The following CFAP47 variants were observed in gnomAD, a reference collection of about 807,000 sequenced individuals.
The protein encoded by CFAP47 is cilia and flagella associated protein 47.
In CFAP47, 29 loss-of-function variants were observed where a neutral mutation model predicts 148.1. The observed-to-expected ratio is 0.20, with a 90% CI of 0.15 to 0.27. The LOEUF is 0.27. Among genes scored for constraint, CFAP47 ranks in the 10% least tolerant of loss-of-function variants. The probability of loss-of-function intolerance (pLI) is 1.00; values close to 1 mark genes in which losing one functional copy is unlikely to be tolerated. For missense variants in CFAP47, 1,872 were observed against 1,697.5 expected (o/e 1.10, Z -1.81); for synonymous variants, 664 against 577.3 (o/e 1.15, Z -2.15).
intron 49 of CFAP47, among the ~76,000 whole-genome samples, chrX:36,259,911 G>C (rs1940797557): frequency 9.0e-6 from 1 of 110,745 alleles, no homozygotes; most frequent in Admixed American, 9.7e-5. Flanking sequence ...TCCCATCTTT[G>C]TGCCCATGTC....
At position 36,235,810 on chromosome X, in the gene CFAP47, G is replaced by A. The variant is rs782705822; in HGVS notation, c.7015-124G>A. On this transcript the variant is annotated intron_variant, in intron 46 of 63. Transcript: ENST00000378653. ...TTAACAAATATGACTTTCCACTGGT[G>A]ATTCCTTGGAAATACAATTAAAAAT... 712 of 349,692 alleles carry A rather than the reference G, an allele frequency of 2.0e-3. 1 individual carries two copies. The highest frequency in any genetic ancestry group is 2.9e-3 in the Non-Finnish European group (578 of 198,427). The allele number at this position is 349,692 out of a possible 1,213,427, so 28.8% of individuals were successfully genotyped here.
chrX:36,171,090 G>A (rs1364952296), intron 39 of CFAP47, among the ~76,000 whole-genome samples: 1 of 110,876 alleles, frequency 9.0e-6, no homozygotes. Flanking sequence ...CTGCATAAAT[G>A]TCTTCTTTTG....
In CFAP47 at chrX:36,149,133, G is replaced by A. The variant is rs1042264189; in HGVS notation, c.5696G>A (p.Arg1899Gln). The change falls in exon 37 of 64, where the codon CGA (arginine) becomes CAA (glutamine). Residue 1899 changes from arginine to glutamine, a missense_variant. Coordinates refer to ENST00000378653, the MANE Select transcript of CFAP47 (RefSeq NM_001304548.2). ...NKILLKNSSS[R>Q]NLVYNARIVG... ...ATTCTACTGAAAAATTCCAGCTCGC[G>A]AAACTTAGTGTATAATGCTAGAATT... 5 of 294,018 alleles carry A rather than the reference G, an allele frequency of 1.7e-5. No homozygotes were observed. Among genetic ancestry groups the A allele is most frequent in the African/African-American group, 8.3e-5 (3 of 35,997 alleles). The allele number at this position is 294,018 out of a possible 1,213,427, so 24.2% of individuals were successfully genotyped here.
intron 55 of CFAP47, among the ~76,000 whole-genome samples, chrX:36,308,936 C>A (rs781888410): frequency 1.8e-5 from 2 of 111,422 alleles, no homozygotes; most frequent in Non-Finnish European, 3.8e-5. Flanking sequence ...ATTGTTTGTG[C>A]AGATTTTGAA....
chrX:36,365,813 C>T (rs1326790361), intron 61 of CFAP47: 1 of 111,217 alleles, frequency 9.0e-6, no homozygotes, highest in African/African-American at 3.3e-5. Flanking sequence ...CTGAAAAAGA[C>T]ATGATTTCTT....
intron 60 of CFAP47, among the ~76,000 whole-genome samples, chrX:36,357,834 G>T (rs1269576688): frequency 9.0e-6 from 1 of 111,351 alleles, no homozygotes; most frequent in Non-Finnish European, 1.9e-5. Context: ...AGTAGTTTTA[G>T]TCATGCCCCT....
chrX:36,295,161 A>C (rs2146953695), intron 51 of CFAP47, among the ~76,000 whole-genome samples: 1 of 112,433 alleles, frequency 8.9e-6, no homozygotes, highest in South Asian at 3.7e-4. Context: ...GCGCATGTGA[A>C]GATGAAAGAA....
intron 2 of CFAP47, among the ~76,000 whole-genome samples, chrX:35,939,563 C>A (rs1475717325): frequency 2.2e-5 from 2 of 90,404 alleles, no homozygotes; most frequent in Non-Finnish European, 4.3e-5. Flanking sequence ...TTTGTTCTTG[C>A]GATAGTTTAC....
chrX:36,303,951 A>C lies in CFAP47; in HGVS notation c.8073A>C (p.Arg2691Ser), dbSNP rs1941324342. 6 of 1,046,817 alleles carry C rather than the reference A, an allele frequency of 5.7e-6. No individual in the cohort carries two copies. The highest frequency in any genetic ancestry group is 7.8e-6 in the Non-Finnish European group (6 of 772,796). The allele number at this position is 1,046,817 out of a possible 1,213,427, so 86.3% of individuals were successfully genotyped here. The part of the protein sequence containing the change: ...NPENFVLDIN[R>S]KSQLIISPHS... Reference sequence around the variant, plus strand: ...AAAATTTTGTCCTGGATATTAACAGAAAATCACAAGTAAGTAAATTCAGAG... The same window carrying C: ...AAAATTTTGTCCTGGATATTAACAGCAAATCACAAGTAAGTAAATTCAGAG... The change falls in exon 54 of 64, where the codon AGA (arginine) becomes AGC (serine). Residue 2691 changes from arginine (R) to serine (S), a missense_variant. By Grantham distance (110) the Arg-to-Ser change is moderately radical (BLOSUM62 -1). Transcript: ENST00000378653.
intron 46 of CFAP47, among the ~76,000 whole-genome samples, chrX:36,229,082 G>A (rs1940305839): frequency 9.0e-6 from 1 of 110,884 alleles, no homozygotes; most frequent in South Asian, 3.8e-4. Context: ...ATTCCTTCTT[G>A]CTTCAACAAG....
At chrX:36,075,676 T>G (rs1157276174) in intron 29 of CFAP47, among the ~76,000 whole-genome samples, 1 of 111,893 alleles carries the variant, frequency 8.9e-6, no homozygotes, top group Non-Finnish European at 1.9e-5. Flanking sequence ...TTTTCGACAC[T>G]TGTTTCCTTC....
chrX:36,109,148 T>C (rs1018393004), intron 33 of CFAP47, among the ~76,000 whole-genome samples: 1 of 112,294 alleles, frequency 8.9e-6, no homozygotes, highest in Non-Finnish European at 1.9e-5. Context: ...TGGCTACATA[T>C]TATTCCATGG....
At chrX:36,204,406 A>C (rs994032579) in intron 44 of CFAP47, among the ~76,000 whole-genome samples, 30 of 109,564 alleles carry the variant, frequency 2.7e-4, no homozygotes, top group African/African-American at 8.1e-4. Context: ...AGGAAGGGGA[A>C]CATCACACAC....
At chrX:36,195,874 T>C (rs1319861463) in intron 42 of CFAP47, among the ~76,000 whole-genome samples, 2 of 111,838 alleles carry the variant, frequency 1.8e-5, no homozygotes, top group Non-Finnish European at 3.8e-5. Flanking sequence ...GACTGTAGAT[T>C]TCATTGCCAC....
At chrX:36,112,582 T>A (rs1341500504) in intron 33 of CFAP47, among the ~76,000 whole-genome samples, 1 of 111,659 alleles carries the variant, frequency 9.0e-6, no homozygotes, top group Non-Finnish European at 1.9e-5. Flanking sequence ...ACCCTGTTGC[T>A]TTTGGGTGGA....
intron 39 of CFAP47, among the ~76,000 whole-genome samples, chrX:36,178,315 A>G (rs997235435): frequency 5.4e-5 from 6 of 111,298 alleles, no homozygotes; most frequent in African/African-American, 1.6e-4. Context: ...CCTGCACATG[A>G]ACTCTCTGCA....
intron 46 of CFAP47, among the ~76,000 whole-genome samples, chrX:36,229,039 C>A (rs782520840): frequency 1.8e-5 from 2 of 111,233 alleles, no homozygotes; most frequent in South Asian, 3.7e-4. Context: ...TTGCTTAAAA[C>A]AATTAACTCC....
intron 23 of CFAP47, among the ~76,000 whole-genome samples, chrX:36,033,203 A>G (rs932572229): frequency 3.9e-4 from 44 of 112,350 alleles, no homozygotes; most frequent in African/African-American, 1.4e-3. Context: ...AACATAAGCC[A>G]TATTGGCGTC....
At chrX:35,939,884 G>T (rs1199705595) in intron 2 of CFAP47, among the ~76,000 whole-genome samples, 2 of 98,733 alleles carry the variant, frequency 2.0e-5, no homozygotes, top group African/African-American at 3.7e-5. Context: ...ACTTCCACAA[G>T]GGTTGAACTA....
Sources: gnomAD v4.1 joint callset for allele counts (sites outside exome capture counted in the v4.1 genomes callset) on GRCh38, gnomAD v4.1.1 for gene constraint, MANE v1.5 for transcripts, NCBI Gene and HGNC (gene_info 2026-07-23, HGNC 2026-07-21) for gene names.